The following HSPD1 variants were observed in gnomAD, a reference collection of about 807,000 sequenced individuals.
HSPD1 encodes the protein heat shock protein family D (Hsp60) member 1.
HSPD1 carries 3 observed loss-of-function variants against 53.0 expected under a neutral mutation model. That is an observed-to-expected ratio of 0.06 (90% CI 0.03 to 0.15). The LOEUF is 0.15. Among genes scored for constraint, HSPD1 ranks in the 10% least tolerant of loss-of-function variants. The pLI is 1.00. For synonymous variants in HSPD1, 200 were observed against 228.0 expected (o/e 0.88, Z 1.10); for missense variants, 431 against 694.1 (o/e 0.62, Z 4.26).
At chr2:197,494,628 A>G in intron 5 of HSPD1, 29 bp downstream of exon 5, 1 of 1,374,830 alleles carries the variant, frequency 7.3e-7, no homozygotes, top group Non-Finnish European at 1.0e-6. Flanking sequence ...ATAACTCAAA[A>G]TTATCTTTAA....
At chr2:197,487,790 T>C in intron 11 of HSPD1, 68 bp downstream of exon 11, 8 of 1,313,278 alleles carry the variant, frequency 6.1e-6, no homozygotes, top group Middle Eastern at 1.8e-4. Context: ...AATCAAAGAT[T>C]TGGGATGTGA....
At position 197,486,584 on chromosome 2, in the gene HSPD1, T is replaced by C. The variant is rs2086027832; in HGVS notation, c.*462A>G. The C allele has an allele frequency of 5.2e-6, 1 of 194,092 alleles. No homozygotes were observed. The highest frequency in any genetic ancestry group is 2.4e-5 in the African/African-American group (1 of 42,298). 12.0% of individuals were successfully genotyped at this position (194,092 alleles called of 1,614,324 possible). On this transcript the variant is annotated 3_prime_UTR_variant, in exon 12 of 12. Transcript: ENST00000388968. ...AATCATGGAAATGCTAACACAATTATTAACTTTAAACAAATTTTTATTACA... is the reference window on the plus strand; with the variant it reads ...AATCATGGAAATGCTAACACAATTACTAACTTTAAACAAATTTTTATTACA...
intron 7 of HSPD1, 80 bp downstream of exon 7, chr2:197,493,244 G>C: frequency 3.3e-6 from 4 of 1,209,688 alleles, no homozygotes; most frequent in Non-Finnish European, 4.9e-6. Context: ...AGGTACACAT[G>C]ATGGAAACTG....
chr2:197,493,114 C>G (rs2086114734), intron 7 of HSPD1, among the ~76,000 whole-genome samples: 1 of 152,042 alleles, frequency 6.6e-6, no homozygotes, highest in Non-Finnish European at 1.5e-5. Flanking sequence ...TATGAGAAAG[C>G]TGATCAAAAT....
chr2:197,493,496 TA>T lies in HSPD1; in HGVS notation c.701-5del. 1 of 1,604,670 alleles carries T rather than the reference TA, an allele frequency of 6.2e-7. No homozygotes were observed. Among genetic ancestry groups the T allele is most frequent in the Non-Finnish European group, 8.5e-7 (1 of 1,171,478 alleles). On this transcript the variant is annotated splice_region_variant and splice_polypyrimidine_tract_variant and intron_variant, in intron 6 of 11. Coordinates refer to ENST00000388968, the MANE Select transcript of HSPD1 (RefSeq NM_002156.5). ...TCCTGGAATTCACATTTCTGACCTG[TA>T]AAAATAATGAAGATTTCAAAAATAT... is the stretch of plus-strand genomic sequence containing the variant.
chr2:197,496,754 A>T, intron 3 of HSPD1: 1 of 275,776 alleles, frequency 3.6e-6, no homozygotes, highest in East Asian at 9.1e-5. Context: ...CAGTGTATTT[A>T]GTCTTACTTT....
chr2:197,498,623 G>A (rs975401022), intron 2 of HSPD1, 52 bp downstream of exon 2: 7 of 1,495,736 alleles, frequency 4.7e-6, no homozygotes, highest in African/African-American at 1.4e-5. Context: ...CTATTTGTGA[G>A]TAAAATGCTA....
Position 197,493,338 on chromosome 2 carries a change from T to C in HSPD1, c.855A>G (p.Thr285=), listed in dbSNP as rs777390686. The change falls in exon 7 of 12, where the codon ACA becomes ACG. Residue 285 remains threonine (T), a synonymous_variant. Coordinates refer to ENST00000388968, the MANE Select transcript of HSPD1 (RefSeq NM_002156.5). ...CTGCTTATTACCTATTCAAGACGAG[T>C]GTACTTAGAGCTTCTCCATCAACAT... The part of the protein sequence containing the change: ...AEDVDGEALS[T]LVLNRLKVGL... 1.2e-6 allele frequency: 2 copies of C among 1,611,890 alleles called. No individual in the cohort carries two copies.
intron 10 of HSPD1, 84 bp from the exon 11 acceptor site, chr2:197,488,120 G>A: frequency 3.6e-6 from 4 of 1,111,070 alleles, no homozygotes; most frequent in Non-Finnish European, 5.3e-6. Context: ...TATTGATGTA[G>A]GGAAATCCCA....
chr2:197,497,043 T>C, intron 3 of HSPD1, 97 bp downstream of exon 3: 1 of 1,223,480 alleles, frequency 8.2e-7, no homozygotes, highest in Non-Finnish European at 1.2e-6. Context: ...AGAGAAGGAT[T>C]AATTTCCTCA....
chr2:197,493,287 C>T (rs187880499), intron 7 of HSPD1, 37 bp downstream of exon 7: 20 of 1,564,814 alleles, frequency 1.3e-5, no homozygotes, highest in African/African-American at 2.7e-5. Context: ...TGTCTTTCAC[C>T]GAGAAATATA....
At chr2:197,496,553 A>G (rs1354256673) in intron 3 of HSPD1, among the ~76,000 whole-genome samples, 1 of 152,224 alleles carries the variant, frequency 6.6e-6, no homozygotes, top group Admixed American at 6.5e-5. Flanking sequence ...CTTAGCACAC[A>G]GCTAATAAAT....
At chr2:197,493,946 A>G (rs1679642210) in intron 6 of HSPD1, among the ~76,000 whole-genome samples, 1 of 152,186 alleles carries the variant, frequency 6.6e-6, no homozygotes, top group South Asian at 2.1e-4. Flanking sequence ...TACTAAAAAT[A>G]CAAAAATCAG....
At chr2:197,492,217 G>A (rs757751515) in intron 7 of HSPD1, among the ~76,000 whole-genome samples, 2 of 152,196 alleles carry the variant, frequency 1.3e-5, no homozygotes, top group Non-Finnish European at 2.9e-5. Flanking sequence ...TAGAGACAGA[G>A]TCTCGCTTTG....
rs552966147 is a variant in HSPD1, at chr2:197,493,573, A to G, written c.701-81T>C. 36 of 1,029,948 alleles carry G rather than the reference A, an allele frequency of 3.5e-5. No individual in the cohort carries two copies. The African/African-American group carries it at 4.0e-4, about 11-fold the overall frequency. The allele number at this position is 1,029,948 out of a possible 1,614,324, so 63.8% of individuals were successfully genotyped here. On this transcript the variant is annotated intron_variant, in intron 6 of 11. Coordinates refer to ENST00000388968, the MANE Select transcript of HSPD1 (RefSeq NM_002156.5). The stretch of plus-strand genomic sequence containing the variant: ...AATGAAAAGCGAAACCAAGGTTCCA[A>G]TACACTTTAAAATTCACCAGTGAGT...
intron 6 of HSPD1, 132 bp from the exon 7 acceptor site, chr2:197,493,624 T>TGCATTA (rs1408993936): frequency 1.4e-6 from 1 of 696,514 alleles, no homozygotes; most frequent in Non-Finnish European, 2.6e-6. Flanking sequence ...ATTTCTCATA[T>TGCATTA]GCATTAACTT....
At chr2:197,495,082 A>T in intron 4 of HSPD1, 1 of 611,816 alleles carries the variant, frequency 1.6e-6, no homozygotes, top group East Asian at 2.8e-5. Context: ...TTTTACAGCC[A>T]TGTAGAACTA....
rs1050347 is a variant in HSPD1 at position 197,498,780 on chromosome 2, A to G, written c.69T>C (p.Thr23=). Residue 23 remains threonine, a synonymous_variant, in exon 2 of 12, where the codon ACT becomes ACC. Coordinates refer to ENST00000388968, the MANE Select transcript of HSPD1 (RefSeq NM_002156.5). The stretch of plus-strand genomic sequence containing the variant: ...ATTTTACATCTTTGGCATAAGCCCG[A>G]GTGAGATGAGGAGCCAGTACCCTGG... ...PVSRVLAPHL[T]RAYAKDVKFG... The G allele has an allele frequency of 0.18, 291,159 of 1,609,464 alleles. 24,827 individuals are homozygous for G. Among genetic ancestry groups the G allele is most frequent in the East Asian group, 0.23 (10,472 of 44,808 alleles).
Position 197,498,250 on chromosome 2 carries a change from G to A in HSPD1, c.174+425C>T, listed in dbSNP as rs908506534. 1.2e-4 allele frequency among the ~76,000 whole-genome samples: 19 copies of A among 152,242 alleles called. No homozygotes were observed. The Middle Eastern group carries it at 0.01, about 82-fold the overall frequency. On this transcript the variant is annotated intron_variant, in intron 2 of 11. Transcript: ENST00000388968. ...GCACACTTAATGGTAATTTTATGTT[G>A]TGTACATTTTACTACAATAAACCAA...
Sources: gnomAD v4.1 joint callset for allele counts (sites outside exome capture counted in the v4.1 genomes callset) on GRCh38, gnomAD v4.1.1 for gene constraint, MANE v1.5 for transcripts, NCBI Gene and HGNC (gene_info 2026-07-23, HGNC 2026-07-21) for gene names.